Variants in CACNB2 observed in about 807,000 individuals in gnomAD.
The protein encoded by CACNB2 is voltage-dependent L-type calcium channel subunit beta-2.
In CACNB2, 42 loss-of-function variants were observed where a neutral mutation model predicts 73.3. The ratio of observed to expected loss-of-function variants is 0.57; its 90% confidence interval spans 0.45 to 0.74. The LOEUF is 0.74. Ranked by LOEUF, CACNB2 falls within the 30% of genes least tolerant of loss-of-function variation. The pLI is 0.00. For synonymous variants in CACNB2, 348 were observed against 310.3 expected, an observed-to-expected ratio of 1.12 and a Z score of -1.28; for missense variants, 940 against 853.0, an observed-to-expected ratio of 1.10 and a Z score of -1.27.
intron 2 of CACNB2, among the ~76,000 whole-genome samples, chr10:18,351,258 C>T (rs981944494): frequency 4.6e-5 from 7 of 151,138 alleles, no homozygotes; most frequent in Non-Finnish European, 8.8e-5. Flanking sequence ...AGGCTTAGGA[C>T]TAAATATATT....
chr10:18,498,594 T>A, intron 4 of CACNB2, 117 bp downstream of exon 4: 2 of 970,930 alleles, frequency 2.1e-6, no homozygotes, highest in Non-Finnish European at 3.3e-6. Context: ...TGCAGTTGTA[T>A]AACACACATA....
chr10:18,377,309 C>T (rs2042840454), intron 2 of CACNB2, among the ~76,000 whole-genome samples: 1 of 152,130 alleles, frequency 6.6e-6, no homozygotes, highest in Non-Finnish European at 1.5e-5. Flanking sequence ...TGACTTGATA[C>T]CAATATTACC....
At chr10:18,512,046 T>G (rs1199453582) in intron 6 of CACNB2, among the ~76,000 whole-genome samples, 1 of 152,238 alleles carries the variant, frequency 6.6e-6, no homozygotes, top group Non-Finnish European at 1.5e-5. Context: ...CTATTTCAAT[T>G]GCATGTGGAA....
chr10:18,410,648 G>A (rs1392578469), intron 3 of CACNB2, among the ~76,000 whole-genome samples: 1 of 152,128 alleles, frequency 6.6e-6, no homozygotes, highest in Admixed American at 6.5e-5. Flanking sequence ...CCAGAGAATA[G>A]GTGGCAGGTG....
intron 2 of CACNB2, among the ~76,000 whole-genome samples, chr10:18,312,264 A>G (rs2039991164): frequency 6.6e-6 from 1 of 152,238 alleles, no homozygotes. Context: ...TTTAAATTGG[A>G]ATTAAATGAC....
chr10:18,377,891 A>T (rs1407877203), intron 2 of CACNB2, among the ~76,000 whole-genome samples: 1 of 152,180 alleles, frequency 6.6e-6, no homozygotes, highest in Non-Finnish European at 1.5e-5. Flanking sequence ...CTTTATTCAG[A>T]TGTTACATTT....
At chr10:18,146,476 ATT>A (rs59522345) in intron 1 of CACNB2, among the ~76,000 whole-genome samples, 10 of 146,266 alleles carry the variant, frequency 6.8e-5, no homozygotes, top group South Asian at 2.2e-4. Context: ...CGGCCAGCTA[ATT>A]TTTTTTTTTT....
At chr10:18,148,478 T>G (rs114673308) in intron 1 of CACNB2, among the ~76,000 whole-genome samples, 2,608 of 152,292 alleles carry the variant, frequency 0.017, 81 homozygotes, top group African/African-American at 0.059. Context: ...AAAATTAATG[T>G]GAGTTTTTAA....
At chr10:18,162,646 A>G (rs999086342) in intron 2 of CACNB2, among the ~76,000 whole-genome samples, 4 of 152,216 alleles carry the variant, frequency 2.6e-5, no homozygotes, top group Non-Finnish European at 4.4e-5. Context: ...TGGATTCTCT[A>G]TGACCTGGAA....
chr10:18,278,558 G>T (rs1442577946), intron 2 of CACNB2, among the ~76,000 whole-genome samples: 1 of 151,978 alleles, frequency 6.6e-6, no homozygotes, highest in Non-Finnish European at 1.5e-5. Flanking sequence ...ACATAAATAT[G>T]ATGATTTTAT....
chr10:18,426,780 C>T (rs375657782), intron 3 of CACNB2, among the ~76,000 whole-genome samples: 35 of 152,210 alleles, frequency 2.3e-4, no homozygotes, highest in African/African-American at 5.8e-4. Flanking sequence ...GACTCCTCAC[C>T]GCAACATTAG....
chr10:18,196,634 T>G (rs190159344), intron 2 of CACNB2, among the ~76,000 whole-genome samples: 1 of 152,238 alleles, frequency 6.6e-6, no homozygotes, highest in Admixed American at 6.5e-5. Flanking sequence ...CATTTTTGAC[T>G]GCTCCCTGTG....
At chr10:18,457,335 C>T (rs997342620) in intron 3 of CACNB2, among the ~76,000 whole-genome samples, 4 of 152,128 alleles carry the variant, frequency 2.6e-5, no homozygotes, top group African/African-American at 9.7e-5. Flanking sequence ...CAGTATCCTC[C>T]TGCCTTAGCC....
At chr10:18,157,011 C>T (rs960889628) in intron 2 of CACNB2, among the ~76,000 whole-genome samples, 9 of 149,778 alleles carry the variant, frequency 6.0e-5, no homozygotes, top group African/African-American at 2.2e-4. Flanking sequence ...CCATTGCACT[C>T]AGATTGCGCC....
chr10:18,323,346 G>A (rs1200025626), intron 2 of CACNB2, among the ~76,000 whole-genome samples: 1 of 151,792 alleles, frequency 6.6e-6, no homozygotes, highest in Non-Finnish European at 1.5e-5. Flanking sequence ...TATTTTGTAT[G>A]TAAATGCAAT....
intron 2 of CACNB2, among the ~76,000 whole-genome samples, chr10:18,266,320 C>T (rs1168986680): frequency 6.6e-6 from 1 of 152,174 alleles, no homozygotes; most frequent in East Asian, 1.9e-4. Context: ...GAAATTGACT[C>T]TTATTCCATG....
At chr10:18,454,785 T>A (rs1461307069) in intron 3 of CACNB2, among the ~76,000 whole-genome samples, 1 of 152,156 alleles carries the variant, frequency 6.6e-6, no homozygotes, top group Non-Finnish European at 1.5e-5. Context: ...ACGCCTGCAA[T>A]CTCAGTATTT....
chr10:18,404,932 C>T (rs1677898807), intron 3 of CACNB2, among the ~76,000 whole-genome samples: 2 of 152,196 alleles, frequency 1.3e-5, no homozygotes, highest in South Asian at 4.1e-4. Flanking sequence ...TAAATACCAA[C>T]TGACATGACA....
At chr10:18,208,013 T>C (rs1007538758) in intron 2 of CACNB2, among the ~76,000 whole-genome samples, 1 of 152,250 alleles carries the variant, frequency 6.6e-6, no homozygotes, top group Non-Finnish European at 1.5e-5. Flanking sequence ...CTCAAGTTTC[T>C]ATTTAAACCC....
Sources: allele counts gnomAD v4.1 joint callset (sites outside exome capture counted in the v4.1 genomes callset), GRCh38; gene constraint gnomAD v4.1.1; transcripts MANE v1.5; gene names NCBI Gene and HGNC (gene_info 2026-07-23, HGNC 2026-07-21).